The following CACNA1E variants were observed in gnomAD, a reference collection of about 807,000 sequenced individuals.
The protein encoded by CACNA1E is calcium voltage-gated channel subunit alpha1 E, also known as voltage-dependent R-type calcium channel subunit alpha-1E.
Under a neutral mutation model 259.2 loss-of-function variants are expected in CACNA1E, and 40 were observed. The ratio of observed to expected loss-of-function variants is 0.15; its 90% CI spans 0.12 to 0.20. The LOEUF (loss-of-function observed/expected upper bound fraction) is 0.20. Ranked by LOEUF, CACNA1E falls within the 10% of genes least tolerant of loss-of-function variation. The probability of loss-of-function intolerance (pLI) is 1.00; values close to 1 mark genes in which losing one functional copy is unlikely to be tolerated. For missense variants in CACNA1E, 1,874 were observed against 3,040.1 expected (o/e 0.62, Z 9.02); for synonymous variants, 1,104 against 1,138.5 (o/e 0.97, Z 0.61).
intron 25 of CACNA1E, among the ~76,000 whole-genome samples, chr1:181,743,940 A>G (rs1656822244): frequency 6.6e-6 from 1 of 152,256 alleles, no homozygotes; most frequent in South Asian, 2.1e-4. Context: ...AGTCAGTTAC[A>G]CAGGCTCTCT....
chr1:181,684,029 T>G (rs1404732933), intron 7 of CACNA1E, among the ~76,000 whole-genome samples: 1 of 152,220 alleles, frequency 6.6e-6, no homozygotes, highest in Non-Finnish European at 1.5e-5. Context: ...AAATGGTAGT[T>G]CTGTTTTAAA....
At chr1:181,345,031 G>A (rs1255999033) in intron 1 of CACNA1E, among the ~76,000 whole-genome samples, 1 of 152,232 alleles carries the variant, frequency 6.6e-6, no homozygotes, top group African/African-American at 2.4e-5. Flanking sequence ...TAAAGACAGT[G>A]AGTGGGGCAG....
At chr1:181,331,427 A>C (rs1264180037) in intron 1 of CACNA1E, among the ~76,000 whole-genome samples, 2 of 152,306 alleles carry the variant, frequency 1.3e-5, no homozygotes, top group East Asian at 3.9e-4. Context: ...TGGAATCCAA[A>C]GAGTGGAGAG....
In CACNA1E at chr1:181,667,957, G is replaced by GC. The variant is rs1200739572; in HGVS notation, c.1055+16517dup. On this transcript the variant is annotated intron_variant, in intron 7 of 47. Coordinates refer to ENST00000367573, the MANE Select transcript of CACNA1E (RefSeq NM_001205293.3). The stretch of plus-strand genomic sequence containing the variant: ...CAGTTTCCCCCAGTGGTAACATCTT[G>GC]CATAACTGTAGCACAATACCAAAAC... Among the ~76,000 whole-genome samples the GC allele has an allele frequency of 6.6e-5, 10 of 152,012 alleles. No individual in the cohort carries two copies. The East Asian group carries it at 1.9e-3, about 29-fold the overall frequency.
intron 2 of CACNA1E, among the ~76,000 whole-genome samples, chr1:181,428,328 C>T (rs1421308673): frequency 6.6e-6 from 1 of 152,154 alleles, no homozygotes; most frequent in Non-Finnish European, 1.5e-5. Flanking sequence ...TCCATGAGCC[C>T]ACCCTCTCAA....
chr1:181,465,734 C>T (rs1241752467), intron 2 of CACNA1E, among the ~76,000 whole-genome samples: 1 of 151,454 alleles, frequency 6.6e-6, no homozygotes, highest in African/African-American at 2.4e-5. Context: ...TATTTCTTTA[C>T]ATATCTTTTC....
intron 37 of CACNA1E, among the ~76,000 whole-genome samples, chr1:181,774,361 G>C (rs932826332): frequency 6.6e-6 from 1 of 152,212 alleles, no homozygotes; most frequent in African/African-American, 2.4e-5. Context: ...GTTCACTGTG[G>C]CTCCAACCTC....
intron 37 of CACNA1E, among the ~76,000 whole-genome samples, chr1:181,773,400 T>C (rs546448061): frequency 6.6e-6 from 1 of 152,320 alleles, no homozygotes; most frequent in South Asian, 2.1e-4. Flanking sequence ...GACTTAATAA[T>C]AGGAACATTT....
intron 3 of CACNA1E, among the ~76,000 whole-genome samples, chr1:181,548,942 G>T (rs1647827609): frequency 6.6e-6 from 1 of 152,142 alleles, no homozygotes; most frequent in Non-Finnish European, 1.5e-5. Context: ...AGGTAACAAG[G>T]CACAGCAGCA....
At chr1:181,585,303 G>A (rs769333480) in intron 6 of CACNA1E, among the ~76,000 whole-genome samples, 3 of 152,050 alleles carry the variant, frequency 2.0e-5, no homozygotes, top group Admixed American at 6.6e-5. Context: ...AGAGGGAGAG[G>A]GAAACTATTT....
At chr1:181,503,178 T>A (rs886209928) in intron 1 of CACNA1E, among the ~76,000 whole-genome samples, 1 of 152,222 alleles carries the variant, frequency 6.6e-6, no homozygotes, top group Non-Finnish European at 1.5e-5. Context: ...AGGCACAAGG[T>A]CTTATGTCTT....
At chr1:181,352,187 G>A (rs940085989) in intron 1 of CACNA1E, among the ~76,000 whole-genome samples, 1 of 152,204 alleles carries the variant, frequency 6.6e-6, no homozygotes, top group Admixed American at 6.5e-5. Flanking sequence ...TGATCAGCAG[G>A]AAAGAGGGAT....
Position 181,737,509 on chromosome 1 carries a change from T to G in CACNA1E, c.3423-16T>G, listed in dbSNP as rs2102583200. Reference sequence around the variant, plus strand: ...GGTGGGGAGTGGGCCAGCTCAGCCATGCCCACTGCCCGCAGGATCCGGAGG... The same window carrying G: ...GGTGGGGAGTGGGCCAGCTCAGCCAGGCCCACTGCCCGCAGGATCCGGAGG... On this transcript the variant is annotated splice_polypyrimidine_tract_variant and intron_variant, in intron 22 of 47. Transcript: ENST00000367573. 1 of 1,613,356 alleles carries G rather than the reference T, an allele frequency of 6.2e-7. No homozygotes were observed. The highest frequency in any genetic ancestry group is 8.5e-7 in the Non-Finnish European group (1 of 1,179,558).
At chr1:181,688,172 T>G (rs1004739424) in intron 7 of CACNA1E, among the ~76,000 whole-genome samples, 1 of 152,188 alleles carries the variant, frequency 6.6e-6, no homozygotes, top group African/African-American at 2.4e-5. Flanking sequence ...TTGCCTTTCC[T>G]GCAACTCTCG....
intron 1 of CACNA1E, among the ~76,000 whole-genome samples, chr1:181,343,481 C>T (rs765109933): frequency 1.3e-5 from 2 of 152,132 alleles, no homozygotes; most frequent in African/African-American, 4.8e-5. Context: ...GAGGCACTGG[C>T]TTCCCCTTTC....
intron 7 of CACNA1E, among the ~76,000 whole-genome samples, chr1:181,662,413 C>T (rs999021530): frequency 9.2e-5 from 14 of 152,244 alleles, no homozygotes; most frequent in Admixed American, 8.5e-4. Flanking sequence ...TTCCTCCATG[C>T]CCTATGTATA....
At chr1:181,594,835 A>G (rs1010983450) in intron 6 of CACNA1E, among the ~76,000 whole-genome samples, 21 of 152,238 alleles carry the variant, frequency 1.4e-4, no homozygotes, top group African/African-American at 4.8e-4. Flanking sequence ...TGGCTGTAAG[A>G]ATTAAAGAAA....
At chr1:181,750,812 T>G (rs1657527722) in intron 26 of CACNA1E, among the ~76,000 whole-genome samples, 1 of 152,238 alleles carries the variant, frequency 6.6e-6, no homozygotes, top group Non-Finnish European at 1.5e-5. Context: ...TTATTTATAT[T>G]CAGATCTGGG....
At chr1:181,419,382 A>T (rs987853942) in intron 2 of CACNA1E, among the ~76,000 whole-genome samples, 2 of 152,074 alleles carry the variant, frequency 1.3e-5, no homozygotes, top group African/African-American at 4.8e-5. Context: ...CTTTGCCTAG[A>T]ATGCTTTTCC....
Sources: allele counts gnomAD v4.1 joint callset (sites outside exome capture counted in the v4.1 genomes callset), GRCh38; gene constraint gnomAD v4.1.1; transcripts MANE v1.5; gene names NCBI Gene and HGNC (gene_info 2026-07-23, HGNC 2026-07-21).